The following TRIM37 variants were observed in gnomAD, a reference collection of about 807,000 sequenced individuals.
The protein encoded by TRIM37 is E3 ubiquitin-protein ligase TRIM37.
In TRIM37, 80 loss-of-function variants were observed where a neutral mutation model predicts 129.8. The observed-to-expected ratio is 0.62, with a 90% CI of 0.51 to 0.74. TRIM37 has a LOEUF of 0.74. TRIM37 is among the 30% of genes least tolerant of loss of function. The pLI, the probability that TRIM37 is intolerant of heterozygous loss-of-function variation, is 0.00. For synonymous variants in TRIM37, 389 were observed against 387.1 expected, an observed-to-expected ratio of 1.00 and a Z score of -0.06; for missense variants, 1,054 against 1,176.5, an observed-to-expected ratio of 0.90 and a Z score of 1.52.
chr17:59,067,103 G>A (rs961999918), intron 9 of TRIM37, among the ~76,000 whole-genome samples: 12 of 152,194 alleles, frequency 7.9e-5, no homozygotes, highest in South Asian at 2.1e-4. Context: ...GCAGTGGCGC[G>A]ATCTCGGCTC....
the TRIM37 span, among the ~76,000 whole-genome samples, chr17:58,973,374 G>A: frequency 1.2e-4 from 18 of 150,158 alleles, no homozygotes; most frequent in African/African-American, 4.4e-4. Context: ...TGGAGATCGC[G>A]CCATTGCACG....
intron 3 of TRIM37, among the ~76,000 whole-genome samples, chr17:59,090,477 C>A (rs1349143114): frequency 6.6e-6 from 1 of 152,038 alleles, no homozygotes; most frequent in East Asian, 1.9e-4. Context: ...AGAATAGATA[C>A]CAAACCCAAC....
At position 59,015,793 on chromosome 17, in the gene TRIM37, G is replaced by C; in HGVS notation, c.2393C>G (p.Pro798Arg). Residue 798 changes from proline (P) to arginine (R), a missense_variant, in exon 21 of 24, where the codon CCA becomes CGA. Physicochemically the swap from Pro to Arg is moderately radical, Grantham distance 103. Transcript: ENST00000262294. ...GDCQTLSEGS[P>R]GSSQSGSRHS... is the part of the protein sequence containing the mutation. The stretch of plus-strand genomic sequence containing the variant: ...CCTGCTCCCAGACTGAGAGCTTCCT[G>C]GGGAGCCTTCAAAAAAAGGAAGATG... 6.2e-7 allele frequency: 1 copy of C among 1,612,696 alleles called. No individual in the cohort carries two copies. The highest frequency in any genetic ancestry group is 1.9e-4 in the Middle Eastern group (1 of 5,310).
At chr17:59,065,144 A>G (rs9901188) in intron 9 of TRIM37, among the ~76,000 whole-genome samples, 119 of 152,322 alleles carry the variant, frequency 7.8e-4, no homozygotes, top group African/African-American at 2.8e-3. Context: ...TAAACTAAGT[A>G]CAAGAAATAC....
chr17:59,087,164 C>T (rs1221115631), intron 4 of TRIM37, among the ~76,000 whole-genome samples: 1 of 152,108 alleles, frequency 6.6e-6, no homozygotes, highest in Non-Finnish European at 1.5e-5. Flanking sequence ...GGCACGATCT[C>T]GGCTCACTGC....
At chr17:58,980,955 G>A (rs761230021), downstream of TRIM37, 20 of 1,614,092 alleles carry the variant, frequency 1.2e-5, no homozygotes, top group South Asian at 3.3e-5. The surrounding 1 kb of genome is among the most constrained non-coding windows in gnomAD (Gnocchi z 4.7). Flanking sequence ...AAAGGGTACA[G>A]TGAAAACATG....
intron 2 of TRIM37, among the ~76,000 whole-genome samples, chr17:59,101,365 G>GA (rs1271770243): frequency 6.6e-6 from 1 of 152,016 alleles, no homozygotes; most frequent in Non-Finnish European, 1.5e-5. Context: ...CTGGAGATAA[G>GA]AAAAGACTCA....
chr17:58,969,718 A>G, the TRIM37 span: 1 of 1,614,024 alleles, frequency 6.2e-7, no homozygotes, highest in Non-Finnish European at 8.5e-7. Flanking sequence ...TGCAGAAAGC[A>G]GCCAGGGAGG....
intron 3 of TRIM37, among the ~76,000 whole-genome samples, chr17:59,090,338 A>C (rs2044177496): frequency 6.6e-6 from 1 of 152,196 alleles, no homozygotes; most frequent in Non-Finnish European, 1.5e-5. Context: ...ACTGCAAAAC[A>C]ATATTATATC....
chr17:58,995,122 C>T (rs555344563), downstream of TRIM37, among the ~76,000 whole-genome samples: 3 of 152,214 alleles, frequency 2.0e-5, no homozygotes, highest in East Asian at 5.8e-4. Context: ...GATTTTGGCT[C>T]ACTGCAACCT....
chr17:59,041,453 G>A (rs1023642374), intron 17 of TRIM37, among the ~76,000 whole-genome samples: 1 of 152,182 alleles, frequency 6.6e-6, no homozygotes, highest in Non-Finnish European at 1.5e-5. Flanking sequence ...TATAAAATAT[G>A]AGCATGGGAT....
At chr17:59,050,985 A>C (rs1230024323) in intron 14 of TRIM37, among the ~76,000 whole-genome samples, 1 of 152,194 alleles carries the variant, frequency 6.6e-6, no homozygotes, top group African/African-American at 2.4e-5. Context: ...TTCTCAAAAA[A>C]AATAAATAAA....
chr17:59,082,126 C>G (rs2043353308), intron 5 of TRIM37, among the ~76,000 whole-genome samples: 1 of 151,664 alleles, frequency 6.6e-6, no homozygotes, highest in Non-Finnish European at 1.5e-5. Context: ...CAAAAATTAG[C>G]TGGGCGTGGT....
At chr17:59,002,409 A>C (rs1164961999) in intron 22 of TRIM37, among the ~76,000 whole-genome samples, 1 of 151,992 alleles carries the variant, frequency 6.6e-6, no homozygotes, top group Non-Finnish European at 1.5e-5. Context: ...TAATTTAAAA[A>C]TTTTTTGGAG....
rs182660004 is a variant in TRIM37 at position 59,025,354 on chromosome 17, A to G, written c.2257+3061T>C. 1.3e-3 allele frequency among the ~76,000 whole-genome samples: 190 copies of G among 151,650 alleles called. 1 individual carries two copies. Among genetic ancestry groups the G allele is most frequent in the Middle Eastern group, 0.01 (3 of 288 alleles). On this transcript the variant is annotated intron_variant, in intron 19 of 23. Coordinates refer to ENST00000262294, the MANE Select transcript of TRIM37 (RefSeq NM_015294.6). The stretch of plus-strand genomic sequence containing the variant: ...AAAAAGCCTTCCAAATAAAAATAAG[A>G]CCCATGAATATTATTGCCATGAATA...
At chr17:59,096,733 T>C (rs906426224) in intron 2 of TRIM37, among the ~76,000 whole-genome samples, 2 of 152,088 alleles carry the variant, frequency 1.3e-5, no homozygotes, top group Non-Finnish European at 2.9e-5. Flanking sequence ...TTAAATTCCT[T>C]CCATTTCTTC....
At chr17:59,028,855 C>T in intron 18 of TRIM37, 132 bp from the exon 19 acceptor site, 2 of 826,152 alleles carry the variant, frequency 2.4e-6, no homozygotes, top group Non-Finnish European at 3.9e-6. Context: ...ATAAAACATG[C>T]ACTAAATTCC....
At chr17:58,978,949 A>G (rs952282886), downstream of TRIM37, among the ~76,000 whole-genome samples, 8 of 151,990 alleles carry the variant, frequency 5.3e-5, no homozygotes, top group Non-Finnish European at 8.8e-5. Context: ...CTCCTACCCC[A>G]AGCACCCTAC....
At chr17:59,090,454 A>C (rs2044190365) in intron 3 of TRIM37, among the ~76,000 whole-genome samples, 1 of 152,224 alleles carries the variant, frequency 6.6e-6, no homozygotes. Context: ...ACATGCACAA[A>C]AAACAGTCTA....
Sources: allele counts gnomAD v4.1 joint callset (sites outside exome capture counted in the v4.1 genomes callset), GRCh38; gene constraint gnomAD v4.1.1; non-coding constraint Gnocchi (gnomAD v3.1); transcripts MANE v1.5; gene names NCBI Gene and HGNC (gene_info 2026-07-23, HGNC 2026-07-21).